Variants in WWOX observed in about 807,000 individuals in gnomAD.
WWOX encodes WW domain containing oxidoreductase.
WWOX carries 69 observed loss-of-function variants against 46.2 expected under a neutral mutation model. The observed-to-expected ratio is 1.49, with a 90% confidence interval of 1.23 to 1.82. The LOEUF is 1.82. Ranked by LOEUF, WWOX falls within the 40% of genes most tolerant of loss-of-function variation. WWOX has a pLI of 0.00. For missense variants in WWOX, 919 were observed against 542.6 expected (o/e 1.69, Z -6.89); for synonymous variants, 359 against 202.6 (o/e 1.77, Z -6.56).
chr16:79,156,237 C>G (rs2050379041), intron 8 of WWOX, among the ~76,000 whole-genome samples: 1 of 152,204 alleles, frequency 6.6e-6, no homozygotes, highest in Middle Eastern at 3.2e-3. Context: ...TTTCAGCTCA[C>G]TGCAACCTTT....
At chr16:79,020,749 C>T (rs760111995) in intron 8 of WWOX, among the ~76,000 whole-genome samples, 9 of 152,168 alleles carry the variant, frequency 5.9e-5, no homozygotes, top group South Asian at 2.1e-4. Context: ...GATGTCAACA[C>T]GCATGCAGCT....
At chr16:78,968,288 C>A (rs1030055277) in intron 8 of WWOX, among the ~76,000 whole-genome samples, 2 of 152,234 alleles carry the variant, frequency 1.3e-5, no homozygotes, top group African/African-American at 4.8e-5. Flanking sequence ...GCCCCATAGT[C>A]CTACCCGTAG....
chr16:78,431,175 G>T (rs1009023205), intron 7 of WWOX, among the ~76,000 whole-genome samples: 5 of 152,208 alleles, frequency 3.3e-5, no homozygotes, highest in Non-Finnish European at 7.3e-5. Flanking sequence ...AACAGCTGGT[G>T]TTTAACGACT....
At chr16:78,681,301 A>G (rs1031715961) in intron 8 of WWOX, among the ~76,000 whole-genome samples, 1 of 152,116 alleles carries the variant, frequency 6.6e-6, no homozygotes, top group Non-Finnish European at 1.5e-5. Context: ...GCTACTTGGG[A>G]GGCTGAGGTG....
intron 8 of WWOX, among the ~76,000 whole-genome samples, chr16:78,571,598 G>C (rs1324358698): frequency 1.3e-5 from 2 of 152,190 alleles, no homozygotes; most frequent in Non-Finnish European, 2.9e-5. Context: ...GCTGGGTGCA[G>C]TGGCTCACAC....
chr16:78,171,001 G>A (rs1381130175), intron 5 of WWOX, among the ~76,000 whole-genome samples: 1 of 152,186 alleles, frequency 6.6e-6, no homozygotes, highest in Admixed American at 6.5e-5. Context: ...TTTTGTGGGA[G>A]TGAAGGGATA....
At chr16:78,643,845 T>G (rs62036079) in intron 8 of WWOX, among the ~76,000 whole-genome samples, 2 of 151,960 alleles carry the variant, frequency 1.3e-5, no homozygotes, top group South Asian at 4.1e-4. Flanking sequence ...AAAAAAACTT[T>G]CTTCCCAGCC....
intron 8 of WWOX, among the ~76,000 whole-genome samples, chr16:78,807,977 C>T (rs1355992925): frequency 1.3e-5 from 2 of 152,176 alleles, no homozygotes; most frequent in South Asian, 2.1e-4. Flanking sequence ...GAGACTGGTT[C>T]TCCTTTTTCT....
chr16:79,038,788 G>T (rs1214532918), intron 8 of WWOX, among the ~76,000 whole-genome samples: 1 of 152,078 alleles, frequency 6.6e-6, no homozygotes, highest in East Asian at 1.9e-4. Context: ...AACTTCAGGT[G>T]ACCCACCTGC....
chr16:78,398,872 G>T (rs562482893), intron 6 of WWOX, among the ~76,000 whole-genome samples: 64 of 152,330 alleles, frequency 4.2e-4, no homozygotes, highest in South Asian at 2.7e-3. Flanking sequence ...ATTTTAACCT[G>T]TGTCATCATT....
chr16:79,157,522 A>G (rs1162479164), intron 8 of WWOX, among the ~76,000 whole-genome samples: 1 of 152,122 alleles, frequency 6.6e-6, no homozygotes, highest in Non-Finnish European at 1.5e-5. Context: ...TCACATCTCT[A>G]AGGCATTTGG....
At chr16:78,727,366 C>T (rs965126734) in intron 8 of WWOX, among the ~76,000 whole-genome samples, 3 of 152,124 alleles carry the variant, frequency 2.0e-5, no homozygotes, top group Non-Finnish European at 4.4e-5. Flanking sequence ...GCCTGGGTGA[C>T]AGAGCAAGAC....
chr16:78,814,512 C>T (rs915028395), intron 8 of WWOX, among the ~76,000 whole-genome samples: 1 of 151,848 alleles, frequency 6.6e-6, no homozygotes, highest in Non-Finnish European at 1.5e-5. Context: ...AGAATGTTGG[C>T]TTTTCATATA....
At chr16:78,560,565 A>C (rs982411081) in intron 8 of WWOX, among the ~76,000 whole-genome samples, 1 of 152,252 alleles carries the variant, frequency 6.6e-6, no homozygotes, top group Non-Finnish European at 1.5e-5. Flanking sequence ...AATCCCTTGA[A>C]CCTGGGAGGT....
chr16:78,820,347 T>G (rs1597667356), intron 8 of WWOX, among the ~76,000 whole-genome samples: 1 of 152,320 alleles, frequency 6.6e-6, no homozygotes, highest in Admixed American at 6.5e-5. Flanking sequence ...GTGGAAGTGG[T>G]GCCCTGAATA....
At chr16:78,702,046 A>ATATATATAT (rs2048232458) in intron 8 of WWOX, among the ~76,000 whole-genome samples, 1 of 91,438 alleles carries the variant, frequency 1.1e-5, no homozygotes, top group South Asian at 3.3e-4. Context: ...TATATATATA[A>ATATATATAT]AATAATGCAG....
chr16:78,136,020 G>A (rs1298238373), intron 4 of WWOX, among the ~76,000 whole-genome samples: 1 of 152,144 alleles, frequency 6.6e-6, no homozygotes, highest in Non-Finnish European at 1.5e-5. Flanking sequence ...AGGCAGGCTG[G>A]AAATGGCATC....
chr16:78,820,158 C>A (rs2051453511), intron 8 of WWOX, among the ~76,000 whole-genome samples: 1 of 152,104 alleles, frequency 6.6e-6, no homozygotes, highest in Non-Finnish European at 1.5e-5. Flanking sequence ...CCTGTCCCTG[C>A]TTGCTGGAGA....
chr16:78,260,158 T>G (rs920055530), intron 5 of WWOX, among the ~76,000 whole-genome samples: 1 of 151,256 alleles, frequency 6.6e-6, no homozygotes, highest in South Asian at 2.1e-4. Context: ...TGCTGCAGCC[T>G]CCACAGGTGA....
Sources: allele counts gnomAD v4.1 joint callset (sites outside exome capture counted in the v4.1 genomes callset), GRCh38; gene constraint gnomAD v4.1.1; transcripts MANE v1.5; gene names NCBI Gene and HGNC (gene_info 2026-07-23, HGNC 2026-07-21).